The following ARNT2 variants were observed in gnomAD, a reference collection of about 807,000 sequenced individuals.
The protein encoded by ARNT2 is aryl hydrocarbon receptor nuclear translocator 2.
In ARNT2, 36 loss-of-function variants were observed where a neutral mutation model predicts 91.7. The observed-to-expected ratio is 0.39, with a 90% CI of 0.30 to 0.52. The LOEUF (loss-of-function observed/expected upper bound fraction) is 0.52, where lower values mean the gene tolerates loss of function less well. ARNT2 is among the 20% of genes least tolerant of loss of function. The pLI is 0.72. For missense variants in ARNT2, 775 were observed against 939.3 expected (o/e 0.83, Z 2.29); for synonymous variants, 365 against 347.1 (o/e 1.05, Z -0.57).
chr15:80,597,298 A>T lies in ARNT2; in HGVS notation c.*3600A>T. 1.9e-6 allele frequency: 1 copy of T among 518,656 alleles called. No homozygotes were observed. The highest frequency in any genetic ancestry group is 1.9e-5 in the Admixed American group (1 of 51,538). 32.1% of individuals were successfully genotyped at this position (518,656 alleles called of 1,614,324 possible). ...TGCTCCGTCACGGTTCTGACCTACC[A>T]CATAAACAGGAAGAAGCCAGTGACC... On this transcript the variant is annotated 3_prime_UTR_variant, in exon 19 of 19. Coordinates refer to ENST00000303329, the MANE Select transcript of ARNT2 (RefSeq NM_014862.4).
intron 8 of ARNT2, among the ~76,000 whole-genome samples, chr15:80,521,692 A>G (rs1468146670): frequency 6.6e-6 from 1 of 152,202 alleles, no homozygotes; most frequent in Non-Finnish European, 1.5e-5. Context: ...CGCCAATGCC[A>G]TCTTCATGCT....
At chr15:80,471,177 C>T (rs2141395201) in intron 4 of ARNT2, among the ~76,000 whole-genome samples, 1 of 152,312 alleles carries the variant, frequency 6.6e-6, no homozygotes, top group South Asian at 2.1e-4. Flanking sequence ...TACATATACA[C>T]CATAGAATAC....
rs1303988989 is a variant in ARNT2 at position 80,576,888 on chromosome 15, A to C, written c.1536A>C (p.Ser512=). ...ISASEKKMMS[S]ASAAGTQQIY... is the part of the protein sequence containing the mutation. The stretch of plus-strand genomic sequence containing the variant: ...TAGCGGAGAAGAAGATGATGAGCTC[A>C]GCCTCTGCAGCAGGAACCCAGCAGA... Residue 512 remains serine (S), a synonymous_variant, in exon 15 of 19, where the codon TCA becomes TCC. Coordinates refer to ENST00000303329, the MANE Select transcript of ARNT2 (RefSeq NM_014862.4). 1.2e-6 allele frequency: 2 copies of C among 1,614,064 alleles called. No individual in the cohort carries two copies. Among genetic ancestry groups the C allele is most frequent in the Non-Finnish European group, 1.7e-6 (2 of 1,180,026 alleles).
rs375524509 is a variant in ARNT2, at chr15:80,450,972, C to T, written c.124C>T (p.Arg42Cys). The T allele has an allele frequency of 1.3e-5, 21 of 1,613,918 alleles. No individual in the cohort carries two copies. The highest frequency in any genetic ancestry group is 2.2e-5 in the East Asian group (1 of 44,900). The change falls in exon 2 of 19, where the codon CGT (arginine) becomes TGT (cysteine). Residue 42 changes from arginine (R) to cysteine (C), a missense_variant. Arg to Cys is a radical substitution (Grantham distance 180). Around this residue, in one of 5 missense-constraint regions of ARNT2, gnomAD observed 79 missense variants for 83.8 expected, o/e 0.94. Transcript: ENST00000303329. ...QVRMAGAMPA[R>C]GGKRRSGMDF... ...GAGGATGGCGGGGGCCATGCCTGCC[C>T]GTGGAGGAAAGCGGCGTTCCGGGTA...
intron 1 of ARNT2, among the ~76,000 whole-genome samples, chr15:80,432,900 G>T (rs1436595758): frequency 1.3e-5 from 2 of 152,106 alleles, no homozygotes; most frequent in African/African-American, 2.4e-5. Flanking sequence ...TTGGTTTATA[G>T]TACCAAATAG....
chr15:80,501,394 A>C (rs866129034), intron 5 of ARNT2, among the ~76,000 whole-genome samples: 3 of 152,360 alleles, frequency 2.0e-5, no homozygotes, highest in Middle Eastern at 3.4e-3. Flanking sequence ...GCATAGAAAA[A>C]GACTGACCAG....
Position 80,441,293 on chromosome 15 carries a change from GA to G in ARNT2, c.32-9586del, listed in dbSNP as rs1896183508. 3.0e-6 allele frequency: 3 copies of G among 984,974 alleles called. No individual in the cohort carries two copies. The South Asian group carries it at 1.4e-4, about 46-fold the overall frequency. 61.0% of individuals were successfully genotyped at this position (984,974 alleles called of 1,614,324 possible). A position where few individuals can be genotyped will look rare whatever the true frequency, so the allele number is the denominator to read the frequency against. ...GCTACATTTCCTCCCAGAGGTTTCT[GA>G]CATTTCTTCTACACGGATAACAGAT... is the stretch of plus-strand genomic sequence containing the variant. On this transcript the variant is annotated intron_variant, in intron 1 of 18. Coordinates refer to ENST00000303329, the MANE Select transcript of ARNT2 (RefSeq NM_014862.4).
At chr15:80,418,579 T>G (rs190505241) in intron 1 of ARNT2, among the ~76,000 whole-genome samples, 11 of 152,362 alleles carry the variant, frequency 7.2e-5, no homozygotes, top group Non-Finnish European at 1.2e-4. Context: ...GTCCAAGGAC[T>G]GTTCTTCCTC....
At chr15:80,592,625 T>C (rs558633747) in intron 18 of ARNT2, among the ~76,000 whole-genome samples, 19 of 152,338 alleles carry the variant, frequency 1.2e-4, no homozygotes, top group Admixed American at 9.8e-4. Context: ...GACAAAGGCC[T>C]GGGACTCAGA....
At chr15:80,583,742 T>A (rs890827526) in intron 17 of ARNT2, among the ~76,000 whole-genome samples, 1 of 152,226 alleles carries the variant, frequency 6.6e-6, no homozygotes, top group Non-Finnish European at 1.5e-5. Flanking sequence ...AATAGCAGAA[T>A]CATGCCTTTG....
chr15:80,563,001 C>T (rs1192212876), intron 11 of ARNT2, 87 bp from the exon 12 acceptor site: 49 of 1,497,256 alleles, frequency 3.3e-5, no homozygotes, highest in African/African-American at 4.1e-5. Flanking sequence ...TGGCCCCTGC[C>T]GCAACCCCAC....
chr15:80,591,740 G>A lies in ARNT2; in HGVS notation c.2055+36G>A, dbSNP rs767564417. 16 of 1,610,274 alleles carry A rather than the reference G, an allele frequency of 9.9e-6. No individual in the cohort carries two copies. Among genetic ancestry groups the A allele is most frequent in the Middle Eastern group, 1.7e-4 (1 of 6,056 alleles). On this transcript the variant is annotated intron_variant, in intron 18 of 18. Transcript: ENST00000303329. This position sits in a 1 kb window ranked among gnomAD's most constrained non-coding sequence, Gnocchi z 5.1. ...CGAGCACCGCCTTCTCGTAGGTACCGGCGCCTTCTCTCTGCTTCCTTTCCC... is the reference window on the plus strand; with the variant it reads ...CGAGCACCGCCTTCTCGTAGGTACCAGCGCCTTCTCTCTGCTTCCTTTCCC...
At chr15:80,418,587 C>T (rs1895818603) in intron 1 of ARNT2, among the ~76,000 whole-genome samples, 1 of 152,238 alleles carries the variant, frequency 6.6e-6, no homozygotes, top group South Asian at 2.1e-4. Flanking sequence ...ACTGTTCTTC[C>T]TCTTGGCCCC....
Position 80,591,084 on chromosome 15 carries a change from G to T in ARNT2, c.1919-484G>T, listed in dbSNP as rs1893271690. On this transcript the variant is annotated intron_variant, in intron 17 of 18. Transcript: ENST00000303329. The surrounding 1 kb of genome is among the most constrained non-coding windows in gnomAD (Gnocchi z 5.1). Reference sequence around the variant, plus strand: ...AAGATGAGGCTTTTCCTCTAGCAGGGCCAGATGCCTTTCAAGAGCATTCGG... The same window carrying T: ...AAGATGAGGCTTTTCCTCTAGCAGGTCCAGATGCCTTTCAAGAGCATTCGG... Among the ~76,000 whole-genome samples the T allele has an allele frequency of 6.6e-6, 1 of 152,216 alleles. No homozygotes were observed. Among genetic ancestry groups the T allele is most frequent in the Non-Finnish European group, 1.5e-5 (1 of 68,042 alleles).
chr15:80,421,431 G>A (rs1031017565), intron 1 of ARNT2, among the ~76,000 whole-genome samples: 1 of 150,172 alleles, frequency 6.7e-6, no homozygotes, highest in Non-Finnish European at 1.5e-5. Flanking sequence ...GAGGGAGGGA[G>A]GGAGGGAGGG....
At chr15:80,544,801 C>G (rs1897965137) in intron 8 of ARNT2, among the ~76,000 whole-genome samples, 3 of 152,166 alleles carry the variant, frequency 2.0e-5, no homozygotes, top group Admixed American at 2.0e-4. Context: ...GTAGGAAGAA[C>G]AGTTTAAATG....
intron 3 of ARNT2, among the ~76,000 whole-genome samples, chr15:80,460,806 C>A (rs1016655079): frequency 1.3e-5 from 2 of 152,132 alleles, no homozygotes; most frequent in African/African-American, 4.8e-5. Context: ...AGGATGAGTA[C>A]ATCCATGTGA....
rs529823506 is a variant in ARNT2 at position 80,510,828 on chromosome 15, A to AAAAT, written c.725+2589_725+2592dup. 7.5e-4 allele frequency among the ~76,000 whole-genome samples: 114 copies of AAAAT among 152,248 alleles called. 1 individual carries two copies. The highest frequency in any genetic ancestry group is 2.4e-3 in the African/African-American group (100 of 41,560). ...GGCAACAGAGCAAGACTCCATCTCA[A>AAAAT]AAATAAATAAATAAATAAATAATAA... On this transcript the variant is annotated intron_variant, in intron 6 of 18. Coordinates refer to ENST00000303329, the MANE Select transcript of ARNT2 (RefSeq NM_014862.4).
intron 8 of ARNT2, among the ~76,000 whole-genome samples, chr15:80,537,215 G>A (rs962741128): frequency 6.6e-6 from 1 of 152,098 alleles, no homozygotes; most frequent in Non-Finnish European, 1.5e-5. Flanking sequence ...TTCCTGCGTT[G>A]TATTATGGCC....
Sources: allele counts gnomAD v4.1 joint callset (sites outside exome capture counted in the v4.1 genomes callset), GRCh38; gene constraint gnomAD v4.1.1; regional missense constraint gnomAD v4.1.1; non-coding constraint Gnocchi (gnomAD v3.1); transcripts MANE v1.5; gene names NCBI Gene and HGNC (gene_info 2026-07-23, HGNC 2026-07-21).